Variants in NRXN3 observed in about 807,000 individuals in gnomAD.
NRXN3 encodes neurexin 3.
In NRXN3, 32 loss-of-function variants were observed where a neutral mutation model predicts 137.6. The observed-to-expected ratio is 0.23, with a 90% CI of 0.18 to 0.31. The LOEUF (loss-of-function observed/expected upper bound fraction) is 0.31, where lower values mean the gene tolerates loss of function less well. Ranked by LOEUF, NRXN3 falls within the 10% of genes least tolerant of loss-of-function variation. The pLI, the probability that NRXN3 is intolerant of heterozygous loss-of-function variation, is 1.00. For missense variants in NRXN3, 1,574 were observed against 2,062.5 expected (o/e 0.76, Z 4.59); for synonymous variants, 798 against 784.5 (o/e 1.02, Z -0.29).
intron 6 of NRXN3, among the ~76,000 whole-genome samples, chr14:78,663,220 G>A (rs2097854959): frequency 6.6e-6 from 1 of 152,162 alleles, no homozygotes; most frequent in South Asian, 2.1e-4. Flanking sequence ...AGAAAAGGAA[G>A]CTCCTCTGGA....
intron 6 of NRXN3, among the ~76,000 whole-genome samples, chr14:78,659,402 G>A (rs1043179931): frequency 2.0e-5 from 3 of 152,162 alleles, no homozygotes; most frequent in African/African-American, 7.2e-5. Flanking sequence ...TTTTTGGCTG[G>A]GCATGGTAGT....
chr14:79,087,871 TAAG>T lies in NRXN3; in HGVS notation c.3262+99735_3262+99737del, dbSNP rs1451057087. 3.3e-5 allele frequency among the ~76,000 whole-genome samples: 5 copies of T among 152,206 alleles called. No homozygotes were observed. The East Asian group carries it at 9.6e-4, about 29-fold the overall frequency. ...CTGGAAGAGTCCTCTGGAGAGAGAA[TAAG>T]AAGATGCTTTCAGTTGCACTTGGAG... On this transcript the variant is annotated intron_variant, in intron 15 of 20. Coordinates refer to ENST00000335750, the MANE Select transcript of NRXN3 (RefSeq NM_001330195.2).
intron 15 of NRXN3, among the ~76,000 whole-genome samples, chr14:78,991,784 A>C (rs1479131803): frequency 6.6e-6 from 1 of 152,198 alleles, no homozygotes; most frequent in East Asian, 1.9e-4. Flanking sequence ...CCTGTTTACC[A>C]AATATGATTG....
intron 15 of NRXN3, among the ~76,000 whole-genome samples, chr14:79,428,733 G>A (rs2095697077): frequency 6.6e-6 from 1 of 152,126 alleles, no homozygotes; most frequent in Non-Finnish European, 1.5e-5. Context: ...AAGTAAGCAA[G>A]ACGGAGGATT....
chr14:79,185,614 C>T (rs4899734), intron 15 of NRXN3, among the ~76,000 whole-genome samples: 5,430 of 151,300 alleles, frequency 0.036, 234 homozygotes, highest in East Asian at 0.22. Flanking sequence ...TACAGGCGCC[C>T]GCCACCACGC....
chr14:78,857,938 C>G (rs2099062025), intron 10 of NRXN3, among the ~76,000 whole-genome samples: 1 of 152,154 alleles, frequency 6.6e-6, no homozygotes, highest in Admixed American at 6.5e-5. Flanking sequence ...AGGTTATACC[C>G]TTATCCAAGA....
chr14:79,310,953 A>G (rs899476283), intron 15 of NRXN3, among the ~76,000 whole-genome samples: 1 of 119,714 alleles, frequency 8.4e-6, no homozygotes, highest in African/African-American at 3.9e-5. Context: ...TGCCCTGGCC[A>G]GAACTTCCAA....
intron 4 of NRXN3, among the ~76,000 whole-genome samples, chr14:78,542,251 C>A (rs1406848069): frequency 6.6e-6 from 1 of 152,222 alleles, no homozygotes; most frequent in African/African-American, 2.4e-5. Context: ...TGTCTGCTGC[C>A]TTTTCTTCAG....
intron 1 of NRXN3, among the ~76,000 whole-genome samples, chr14:78,192,426 A>G (rs2060834571): frequency 6.6e-6 from 1 of 152,160 alleles, no homozygotes; most frequent in Non-Finnish European, 1.5e-5. Flanking sequence ...CTGCAAAAAT[A>G]GCCTCTCTCC....
chr14:78,999,906 A>G (rs2099537957), intron 15 of NRXN3, among the ~76,000 whole-genome samples: 1 of 152,220 alleles, frequency 6.6e-6, no homozygotes, highest in Non-Finnish European at 1.5e-5. Context: ...CGAGTGAGAT[A>G]GTAGAACTTT....
chr14:79,798,167 T>C (rs960073041), intron 19 of NRXN3, among the ~76,000 whole-genome samples: 3 of 151,750 alleles, frequency 2.0e-5, no homozygotes, highest in African/African-American at 7.3e-5. Flanking sequence ...GATGAGACTG[T>C]GATGGCCACA....
intron 15 of NRXN3, among the ~76,000 whole-genome samples, chr14:79,029,785 T>TA (rs869212452): frequency 6.0e-3 from 1 of 168 alleles, no homozygotes; most frequent in Non-Finnish European, 0.014. Context: ...ATAATTGACA[T>TA]TTTTGACCGG....
rs773341254 is a variant in NRXN3 at position 78,957,300 on chromosome 14, C to T, written c.2334C>T (p.Thr778=). Residue 778 remains threonine (T), a synonymous_variant, in exon 11 of 21, where the codon ACC becomes ACT. Transcript: ENST00000335750. ...AGCTCAATGACAACGAGTGGCACACCGTTCGGGTGGTGCGGAGAGGAAAAA... is the reference window on the plus strand; with the variant it reads ...AGCTCAATGACAACGAGTGGCACACTGTTCGGGTGGTGCGGAGAGGAAAAA... ...GQKLNDNEWH[T]VRVVRRGKSL... 1.5e-5 allele frequency: 25 copies of T among 1,613,950 alleles called. No individual in the cohort carries two copies. The highest frequency in any genetic ancestry group is 1.1e-4 in the African/African-American group (8 of 74,894).
chr14:78,369,380 T>A (rs1203679216), intron 4 of NRXN3, among the ~76,000 whole-genome samples: 1 of 152,184 alleles, frequency 6.6e-6, no homozygotes, highest in Non-Finnish European at 1.5e-5. Context: ...TATTTCCTAC[T>A]TTTGGGGATT....
rs566219470 is a variant in NRXN3, at chr14:79,099,756, CA to C, written c.3262+111616del. Among the ~76,000 whole-genome samples, 169 of 152,240 alleles carry C rather than the reference CA, an allele frequency of 1.1e-3. 4 individuals are homozygous for C. The East Asian group carries it at 0.031, about 28-fold the overall frequency. On this transcript the variant is annotated intron_variant, in intron 15 of 20. Coordinates refer to ENST00000335750, the MANE Select transcript of NRXN3 (RefSeq NM_001330195.2). ...ATAAATTTGGAAAGTGTAATATTAG[CA>C]TCTATAAAATCAAAATATTGCCTGT...
chr14:79,818,108 C>T (rs537749096), intron 20 of NRXN3, among the ~76,000 whole-genome samples: 4 of 127,706 alleles, frequency 3.1e-5, no homozygotes, highest in Non-Finnish European at 4.6e-5. Flanking sequence ...GGCTGGAGTG[C>T]AGTGGCGCGA....
At chr14:78,638,618 T>C (rs2097586291) in intron 4 of NRXN3, among the ~76,000 whole-genome samples, 1 of 151,560 alleles carries the variant, frequency 6.6e-6, no homozygotes, top group Admixed American at 6.5e-5. Flanking sequence ...TTTGCAAATA[T>C]GATCATCTCA....
chr14:79,861,159 C>T lies in NRXN3; in HGVS notation c.4094-183C>T. 6.6e-7 allele frequency: 1 copy of T among 1,508,408 alleles called. No homozygotes were observed. Among genetic ancestry groups the T allele is most frequent in the Non-Finnish European group, 8.8e-7 (1 of 1,132,776 alleles). 93.4% of individuals were successfully genotyped at this position (1,508,408 alleles called of 1,614,324 possible). On this transcript the variant is annotated intron_variant, in intron 20 of 20. Transcript: ENST00000335750. The surrounding 1 kb of genome is among the most constrained non-coding windows in gnomAD (Gnocchi z 5.4). ...CGCCCCCTCCTCACCATTATTGAGA[C>T]CACCAAAGATTCCCTGTCCATGACC... is the stretch of plus-strand genomic sequence containing the variant.
chr14:79,716,827 T>G (rs922467848), intron 19 of NRXN3, among the ~76,000 whole-genome samples: 8 of 152,334 alleles, frequency 5.3e-5, no homozygotes, highest in Admixed American at 4.6e-4. Context: ...TTATGCCTCC[T>G]GCTTTAGGAT....
Sources: allele counts gnomAD v4.1 joint callset (sites outside exome capture counted in the v4.1 genomes callset), GRCh38; gene constraint gnomAD v4.1.1; non-coding constraint Gnocchi (gnomAD v3.1); transcripts MANE v1.5; gene names NCBI Gene and HGNC (gene_info 2026-07-23, HGNC 2026-07-21).